ZFPM2: variants seen among roughly 807,000 people sequenced by gnomAD.
ZFPM2 encodes zinc finger protein ZFPM2.
Under a neutral mutation model 98.6 loss-of-function variants are expected in ZFPM2, and 20 were observed. The observed-to-expected ratio is 0.20, with a 90% CI of 0.14 to 0.29. ZFPM2 has a LOEUF of 0.29. ZFPM2 is among the 10% of genes least tolerant of loss of function. The pLI is 1.00. For missense variants in ZFPM2, 1,310 were observed against 1,388.6 expected, an observed-to-expected ratio of 0.94 and a Z score of 0.90; for synonymous variants, 518 against 502.7, an observed-to-expected ratio of 1.03 and a Z score of -0.41.
At chr8:105,712,615 T>C (rs186214642) in intron 5 of ZFPM2, among the ~76,000 whole-genome samples, 23 of 152,078 alleles carry the variant, frequency 1.5e-4, no homozygotes, top group Non-Finnish European at 2.2e-4. Flanking sequence ...TATTTTAAGG[T>C]TATATTGCGT....
chr8:105,387,841 C>G (rs1399768389), intron 1 of ZFPM2: 1 of 152,346 alleles, frequency 6.6e-6, no homozygotes, highest in African/African-American at 2.4e-5. Flanking sequence ...TGCCAGCACG[C>G]TGTCACCTCT....
intron 5 of ZFPM2, among the ~76,000 whole-genome samples, chr8:105,784,027 A>G (rs1813339373): frequency 6.6e-6 from 1 of 152,086 alleles, no homozygotes; most frequent in Non-Finnish European, 1.5e-5. Context: ...CATCCTTAAC[A>G]ACACTTTTTT....
intron 5 of ZFPM2, among the ~76,000 whole-genome samples, chr8:105,637,650 G>A (rs1816872882): frequency 6.6e-6 from 1 of 152,010 alleles, no homozygotes; most frequent in Non-Finnish European, 1.5e-5. Context: ...TCCCAAAGTT[G>A]TGTCAATACC....
chr8:105,763,721 C>T (rs1047007144), intron 5 of ZFPM2, among the ~76,000 whole-genome samples: 1 of 151,820 alleles, frequency 6.6e-6, no homozygotes, highest in African/African-American at 2.4e-5. Context: ...AGTTGAGTTC[C>T]TTACCCAGAT....
chr8:105,761,236 C>G (rs1563552640), intron 5 of ZFPM2, among the ~76,000 whole-genome samples: 1 of 152,014 alleles, frequency 6.6e-6, no homozygotes. Context: ...GAGGAGAAAT[C>G]TACACCTTTC....
chr8:105,524,967 GA>G (rs889906447), intron 3 of ZFPM2, among the ~76,000 whole-genome samples: 5 of 151,056 alleles, frequency 3.3e-5, no homozygotes, highest in African/African-American at 4.9e-5. Flanking sequence ...TGGCACAAGG[GA>G]AAAAAAAAGT....
At chr8:105,457,042 C>A (rs1215646913) in intron 3 of ZFPM2, among the ~76,000 whole-genome samples, 1 of 152,130 alleles carries the variant, frequency 6.6e-6, no homozygotes, top group Non-Finnish European at 1.5e-5. Context: ...TGAGGTTTAT[C>A]ATTTGTAATG....
chr8:105,599,723 T>C (rs1266120870), intron 4 of ZFPM2, among the ~76,000 whole-genome samples: 1 of 152,138 alleles, frequency 6.6e-6, no homozygotes, highest in African/African-American at 2.4e-5. Flanking sequence ...GGCTGCACCA[T>C]CAGCCCTATC....
chr8:105,329,860 T>G (rs1194175874), intron 1 of ZFPM2, among the ~76,000 whole-genome samples: 7 of 151,758 alleles, frequency 4.6e-5, no homozygotes, highest in African/African-American at 9.7e-5. Context: ...TTGAATCTTG[T>G]TGGTTGGTGA....
intron 5 of ZFPM2, among the ~76,000 whole-genome samples, chr8:105,677,993 A>AT (rs962107402): frequency 3.0e-4 from 45 of 152,216 alleles, no homozygotes; most frequent in African/African-American, 9.9e-4. Flanking sequence ...ATTTCAGAGG[A>AT]TTTTTTTAAA....
intron 4 of ZFPM2, among the ~76,000 whole-genome samples, chr8:105,587,030 A>G (rs1299372047): frequency 6.6e-6 from 1 of 151,644 alleles, no homozygotes; most frequent in Non-Finnish European, 1.5e-5. Flanking sequence ...TAATCCCAGC[A>G]CTTTGGGAGG....
At chr8:105,763,946 G>C (rs1401070759) in intron 5 of ZFPM2, among the ~76,000 whole-genome samples, 1 of 151,812 alleles carries the variant, frequency 6.6e-6, no homozygotes, top group East Asian at 1.9e-4. Context: ...TAGCAGAGAA[G>C]CTTTTATTAA....
chr8:105,637,066 T>G (rs1816860634), intron 5 of ZFPM2, among the ~76,000 whole-genome samples: 1 of 152,158 alleles, frequency 6.6e-6, no homozygotes, highest in Admixed American at 6.6e-5. Context: ...CATACTAGAA[T>G]ATGTTCTGTC....
chr8:105,671,600 C>G (rs966084899), intron 5 of ZFPM2, among the ~76,000 whole-genome samples: 1 of 151,818 alleles, frequency 6.6e-6, no homozygotes, highest in African/African-American at 2.4e-5. Context: ...GATGTAGTTG[C>G]TTCCTGTAAA....
chr8:105,657,609 A>C (rs894880746), intron 5 of ZFPM2, among the ~76,000 whole-genome samples: 47 of 152,162 alleles, frequency 3.1e-4, no homozygotes, highest in Non-Finnish European at 6.6e-4. Flanking sequence ...GCTGAACTAA[A>C]GGGCAAAAAA....
chr8:105,780,428 C>T (rs1233244571), intron 5 of ZFPM2: 2 of 152,190 alleles, frequency 1.3e-5, no homozygotes, highest in African/African-American at 2.4e-5. Flanking sequence ...AAGAATTAAA[C>T]ATTGTAAAAC....
chr8:105,800,315 C>A (rs1223048839), intron 7 of ZFPM2, among the ~76,000 whole-genome samples: 4 of 151,956 alleles, frequency 2.6e-5, no homozygotes, highest in African/African-American at 9.7e-5. Flanking sequence ...TGATGCTTAC[C>A]CACCACAGTC....
chr8:105,472,797 C>T (rs551858124), intron 3 of ZFPM2, among the ~76,000 whole-genome samples: 7 of 151,948 alleles, frequency 4.6e-5, no homozygotes, highest in South Asian at 2.1e-4. Context: ...CGTGAGCCAC[C>T]GCGCCTGGCC....
At chr8:105,397,540 GGTT>G (rs1181745222) in intron 1 of ZFPM2, among the ~76,000 whole-genome samples, 1 of 151,854 alleles carries the variant, frequency 6.6e-6, no homozygotes, top group East Asian at 1.9e-4. Context: ...TCCTTTTTAT[GGTT>G]GTTTTTTCAT....
Sources: gnomAD v4.1 joint callset for allele counts (sites outside exome capture counted in the v4.1 genomes callset) on GRCh38, gnomAD v4.1.1 for gene constraint, MANE v1.5 for transcripts, NCBI Gene and HGNC (gene_info 2026-07-23, HGNC 2026-07-21) for gene names.